Variants in CRTC3 observed in about 807,000 individuals in gnomAD.
The protein encoded by CRTC3 is CREB regulated transcription coactivator 3, also known as CREB-regulated transcription coactivator 3.
In CRTC3, 26 loss-of-function variants were observed where a neutral mutation model predicts 74.5. That is an observed-to-expected ratio of 0.35 (90% CI 0.26 to 0.48). CRTC3 has a LOEUF of 0.48. CRTC3 is among the 20% of genes least tolerant of loss of function. CRTC3 has a pLI of 0.99. For missense variants in CRTC3, 760 were observed against 787.3 expected (o/e 0.97, Z 0.41); for synonymous variants, 377 against 325.8 (o/e 1.16, Z -1.69).
At chr15:90,594,872 C>G (rs1315823412) in intron 3 of CRTC3, 1 of 152,134 alleles carries the variant, frequency 6.6e-6, no homozygotes, top group African/African-American at 2.4e-5. Flanking sequence ...TACAAGGGAG[C>G]CAGGAGTTGT....
At chr15:90,619,699 G>C in intron 8 of CRTC3, 42 bp from the exon 9 acceptor site, 1 of 1,590,874 alleles carries the variant, frequency 6.3e-7, no homozygotes, top group Non-Finnish European at 8.6e-7. Flanking sequence ...CTTGAATTTG[G>C]CTTTACAGCG....
rs1377921699 is a variant in CRTC3 at position 90,642,307 on chromosome 15, T to C, written c.*167T>C. ...TCCCATCTCAGACACTGTGGCTTCC[T>C]CCAGATCACACAGCTTTGTACTGCC... On this transcript the variant is annotated 3_prime_UTR_variant, in exon 15 of 15. Coordinates refer to ENST00000268184, the MANE Select transcript of CRTC3 (RefSeq NM_022769.5). 4.8e-6 allele frequency: 3 copies of C among 626,878 alleles called. No homozygotes were observed. The highest frequency in any genetic ancestry group is 8.4e-6 in the Non-Finnish European group (3 of 357,364). 38.8% of individuals were successfully genotyped at this position (626,878 alleles called of 1,614,324 possible). A position where few individuals can be genotyped will look rare whatever the true frequency, so the allele number is the denominator to read the frequency against.
intron 6 of CRTC3, among the ~76,000 whole-genome samples, chr15:90,608,916 C>A (rs1757214813): frequency 6.6e-6 from 1 of 152,206 alleles, no homozygotes; most frequent in African/African-American, 2.4e-5. Context: ...TTATCCATTC[C>A]ATATGCAGAT....
intron 6 of CRTC3, 86 bp from the exon 7 acceptor site, chr15:90,614,367 C>A: frequency 4.1e-6 from 4 of 973,172 alleles, no homozygotes; most frequent in East Asian, 2.5e-5. Flanking sequence ...TATTTCAAAT[C>A]ATAAAGAGTT....
intron 10 of CRTC3, among the ~76,000 whole-genome samples, chr15:90,628,216 C>CAA (rs1233109884): frequency 6.6e-6 from 1 of 150,442 alleles, no homozygotes; most frequent in Non-Finnish European, 1.5e-5. Context: ...GACTCTGTCT[C>CAA]AAAAAAAATA....
At chr15:90,625,708 C>A in intron 9 of CRTC3, 68 bp from the exon 10 acceptor site, 1 of 1,383,046 alleles carries the variant, frequency 7.2e-7, no homozygotes, top group Non-Finnish European at 1.0e-6. Context: ...GAAAAGGTTT[C>A]AGCCATGTTT....
rs374653632 is a variant in CRTC3, at chr15:90,530,238, A to G, written c.132+35A>G. On this transcript the variant is annotated intron_variant, in intron 1 of 14. Coordinates refer to ENST00000268184, the MANE Select transcript of CRTC3 (RefSeq NM_022769.5). The surrounding 1 kb of genome is among the most constrained non-coding windows in gnomAD (Gnocchi z 6.2). The stretch of plus-strand genomic sequence containing the variant: ...CGGGCCGGCGCGGGCGGGGGCGGCC[A>G]CGGCCGCGGGCGGGACCCGCGCGGC... 11 of 656,236 alleles carry G rather than the reference A, an allele frequency of 1.7e-5. No individual in the cohort carries two copies. The highest frequency in any genetic ancestry group is 7.9e-5 in the South Asian group (1 of 12,610). 40.7% of individuals were successfully genotyped at this position (656,236 alleles called of 1,614,324 possible).
intron 1 of CRTC3, among the ~76,000 whole-genome samples, chr15:90,531,546 T>A (rs868247477): frequency 5.3e-5 from 8 of 152,292 alleles, no homozygotes; most frequent in East Asian, 1.9e-4. Flanking sequence ...TGAGAAAAAA[T>A]ATATATATAG....
intron 2 of CRTC3, among the ~76,000 whole-genome samples, chr15:90,545,016 C>T (rs1033183416): frequency 2.0e-5 from 3 of 152,204 alleles, no homozygotes; most frequent in East Asian, 1.9e-4. Flanking sequence ...GTTCCCTTCC[C>T]ACCAGCCTCT....
At chr15:90,569,316 C>CT (rs34246683) in intron 2 of CRTC3, among the ~76,000 whole-genome samples, 24 of 132,304 alleles carry the variant, frequency 1.8e-4, no homozygotes, top group East Asian at 1.1e-3. Context: ...TAAACAAAAC[C>CT]TTTTTTTTTT....
intron 11 of CRTC3, among the ~76,000 whole-genome samples, chr15:90,633,037 GCACATGTGCA>G (rs1447210216): frequency 3.3e-5 from 5 of 152,000 alleles, no homozygotes; most frequent in Non-Finnish European, 7.4e-5. Flanking sequence ...ACATATGTGC[GCACATGTGCA>G]CACACAATTT....
chr15:90,592,295 A>T (rs796643940), intron 2 of CRTC3, among the ~76,000 whole-genome samples: 81 of 152,358 alleles, frequency 5.3e-4, no homozygotes, highest in African/African-American at 1.9e-3. Flanking sequence ...ACTTGATTTC[A>T]TCATTTTGCT....
chr15:90,594,678 T>C (rs1967878580), intron 3 of CRTC3: 1 of 152,160 alleles, frequency 6.6e-6, no homozygotes, highest in African/African-American at 2.4e-5. Flanking sequence ...TGCTGGGTAA[T>C]TTATGTGTCA....
intron 2 of CRTC3, among the ~76,000 whole-genome samples, chr15:90,558,829 G>A (rs2151064852): frequency 6.6e-6 from 1 of 151,884 alleles, no homozygotes; most frequent in South Asian, 2.1e-4. Context: ...TCGGCTCACT[G>A]CAACCTCCAC....
In CRTC3 at chr15:90,629,391, C is replaced by T. The variant is rs1379221105; in HGVS notation, c.1125C>T (p.Ser375=). The T allele has an allele frequency of 2.5e-6, 4 of 1,613,972 alleles. No individual in the cohort carries two copies. The highest frequency in any genetic ancestry group is 2.5e-6 in the Non-Finnish European group (3 of 1,180,020). Residue 375 remains serine (S), a synonymous_variant, in exon 11 of 15, where the codon TCC becomes TCT. Coordinates refer to ENST00000268184, the MANE Select transcript of CRTC3 (RefSeq NM_022769.5). ...RLFSLSNPSL[S]TTNLSGPSRR... ...TTTCCCTTAGCAACCCATCTCTTTC[C>T]ACCACAAACCTGAGCGGCCCGTCTC...
At chr15:90,630,374 G>A (rs951076298) in intron 11 of CRTC3, among the ~76,000 whole-genome samples, 3 of 152,220 alleles carry the variant, frequency 2.0e-5, no homozygotes, top group Non-Finnish European at 4.4e-5. Flanking sequence ...TGCTAAGTAT[G>A]TTGAGGATTA....
At chr15:90,557,767 C>T (rs1418035419) in intron 2 of CRTC3, among the ~76,000 whole-genome samples, 1 of 152,148 alleles carries the variant, frequency 6.6e-6, no homozygotes, top group Non-Finnish European at 1.5e-5. Context: ...GGGACTGAGG[C>T]TGCCTCACAC....
In CRTC3 at chr15:90,643,661, C is replaced by T. The variant is rs1159756998; in HGVS notation, c.*1521C>T. 1 of 230,512 alleles carries T rather than the reference C, an allele frequency of 4.3e-6. No individual in the cohort carries two copies. The highest frequency in any genetic ancestry group is 2.3e-5 in the African/African-American group (1 of 43,272). The allele number at this position is 230,512 out of a possible 1,614,324, so 14.3% of individuals were successfully genotyped here. On this transcript the variant is annotated 3_prime_UTR_variant, in exon 15 of 15. Coordinates refer to ENST00000268184, the MANE Select transcript of CRTC3 (RefSeq NM_022769.5). ...ATAAAATAGATGGGCCAGATTTCCACCACCGCCTGCCTCCTCTAACTTGGG... is the reference window on the plus strand; with the variant it reads ...ATAAAATAGATGGGCCAGATTTCCATCACCGCCTGCCTCCTCTAACTTGGG...
intron 1 of CRTC3, among the ~76,000 whole-genome samples, chr15:90,536,876 G>A (rs11632722): frequency 0.16 from 24,838 of 152,182 alleles, 2,312 homozygotes; most frequent in African/African-American, 0.24. Flanking sequence ...TTCATCCAGC[G>A]ATGCCATGCA....
Sources: allele counts gnomAD v4.1 joint callset (sites outside exome capture counted in the v4.1 genomes callset), GRCh38; gene constraint gnomAD v4.1.1; non-coding constraint Gnocchi (gnomAD v3.1); transcripts MANE v1.5; gene names NCBI Gene and HGNC (gene_info 2026-07-23, HGNC 2026-07-21).